Variants in RNF220 observed in about 807,000 individuals in gnomAD.
RNF220 encodes E3 ubiquitin-protein ligase RNF220.
In RNF220, 7 loss-of-function variants were observed where a neutral mutation model predicts 67.1. The observed-to-expected ratio is 0.10, with a 90% CI of 0.06 to 0.20. The LOEUF is 0.20. Among genes scored for constraint, RNF220 ranks in the 10% least tolerant of loss-of-function variants. The probability of loss-of-function intolerance (pLI) is 1.00; values close to 1 mark genes in which losing one functional copy is unlikely to be tolerated. For synonymous variants in RNF220, 270 were observed against 283.2 expected (o/e 0.95, Z 0.47); for missense variants, 565 against 740.3 (o/e 0.76, Z 2.75).
At chr1:44,471,684 G>A (rs1165191254) in intron 2 of RNF220, among the ~76,000 whole-genome samples, 3 of 152,164 alleles carry the variant, frequency 2.0e-5, no homozygotes, top group East Asian at 1.9e-4. Context: ...AATTGGCTGG[G>A]CGTGGTGGCA....
chr1:44,650,466 G>C lies in RNF220; in HGVS notation c.1630-238G>C. 1.7e-6 allele frequency: 1 copy of C among 577,056 alleles called. No individual in the cohort carries two copies. The highest frequency in any genetic ancestry group is 2.0e-5 in the South Asian group (1 of 50,340). 35.7% of individuals were successfully genotyped at this position (577,056 alleles called of 1,614,324 possible). A position where few individuals can be genotyped will look rare whatever the true frequency, so the allele number is the denominator to read the frequency against. ...GGCTGCCACAGCTGGACCCAGCCTT[G>C]TTCTCATTACTGGGGCTCCTGCTGC... On this transcript the variant is annotated intron_variant, in intron 14 of 14. Coordinates refer to ENST00000361799, the MANE Select transcript of RNF220 (RefSeq NM_018150.4). This position sits in a 1 kb window ranked among gnomAD's most constrained non-coding sequence, Gnocchi z 4.3.
intron 1 of RNF220, 85 bp from the exon 2 acceptor site, chr1:44,411,896 G>A (rs1474114728): frequency 1.7e-6 from 1 of 577,268 alleles, no homozygotes; most frequent in Non-Finnish European, 3.0e-6. Context: ...CCAGAAGGAT[G>A]GTGTTTCGAT....
chr1:44,627,331 C>T (rs1385593286), intron 5 of RNF220, among the ~76,000 whole-genome samples: 1 of 104,538 alleles, frequency 9.6e-6, no homozygotes, highest in African/African-American at 3.9e-5. Flanking sequence ...GGTGACAGAG[C>T]AAGACTCCGT....
intron 2 of RNF220, among the ~76,000 whole-genome samples, chr1:44,572,825 A>G (rs1462014122): frequency 2.0e-5 from 3 of 152,092 alleles, no homozygotes; most frequent in African/African-American, 7.2e-5. Context: ...ATTGTCTAAG[A>G]GAAATGTTTG....
chr1:44,438,727 A>G (rs565695754), intron 2 of RNF220, among the ~76,000 whole-genome samples: 33 of 152,232 alleles, frequency 2.2e-4, no homozygotes, highest in Non-Finnish European at 3.8e-4. Context: ...GCTATCTGCC[A>G]TGATTTTTAG....
intron 2 of RNF220, among the ~76,000 whole-genome samples, chr1:44,603,693 C>T (rs1667085745): frequency 6.6e-6 from 1 of 152,254 alleles, no homozygotes; most frequent in Non-Finnish European, 1.5e-5. Flanking sequence ...CTCACTCTCC[C>T]CACCCAGCCC....
rs1644785565 is a variant in RNF220 at position 44,651,492 on chromosome 1, G to A, written c.*717G>A. 6.5e-6 allele frequency: 1 copy of A among 153,002 alleles called. No individual in the cohort carries two copies. The highest frequency in any genetic ancestry group is 2.4e-5 in the African/African-American group (1 of 41,438). 9.5% of individuals were successfully genotyped at this position (153,002 alleles called of 1,614,324 possible). On this transcript the variant is annotated 3_prime_UTR_variant, in exon 15 of 15. Coordinates refer to ENST00000361799, the MANE Select transcript of RNF220 (RefSeq NM_018150.4). The stretch of plus-strand genomic sequence containing the variant: ...GGTAGAGGCAGGAAATGGGAACCGA[G>A]CTGAAGCAGAGGCTGAGTTAGGGGG...
At chr1:44,503,187 A>C (rs1658085015) in intron 2 of RNF220, among the ~76,000 whole-genome samples, 1 of 152,082 alleles carries the variant, frequency 6.6e-6, no homozygotes, top group African/African-American at 2.4e-5. Context: ...TACAAAAATT[A>C]GCTGGGTATG....
rs556718031 is a variant in RNF220 at position 44,647,732 on chromosome 1, C to T, written c.1446-1929C>T. On this transcript the variant is annotated intron_variant, in intron 12 of 14. Coordinates refer to ENST00000361799, the MANE Select transcript of RNF220 (RefSeq NM_018150.4). ...CCCTCCCTGCACTCCCATTACCACT[C>T]ACATCCAGCAATGACAGGCCACCTG... 3.3e-5 allele frequency among the ~76,000 whole-genome samples: 5 copies of T among 152,318 alleles called. No homozygotes were observed. The South Asian group carries it at 8.3e-4, about 25-fold the overall frequency.
intron 2 of RNF220, among the ~76,000 whole-genome samples, chr1:44,613,788 A>G (rs971651666): frequency 6.6e-6 from 1 of 152,158 alleles, no homozygotes; most frequent in Non-Finnish European, 1.5e-5. Context: ...GAGGCAGGAG[A>G]ACCACTTGAA....
intron 2 of RNF220, among the ~76,000 whole-genome samples, chr1:44,480,744 G>A (rs953934824): frequency 2.0e-5 from 3 of 151,948 alleles, no homozygotes; most frequent in Non-Finnish European, 4.4e-5. Flanking sequence ...AAATTAGCTG[G>A]GCATGGTGGG....
rs952625320 is a variant in RNF220, at chr1:44,614,076, A to G, written c.626-89A>G. ...AGGCCAAGAAGCCCTAGAGGGCAGCAGCAGGCTTGGGTTTCAGGACTGGGA... is the reference window on the plus strand; with the variant it reads ...AGGCCAAGAAGCCCTAGAGGGCAGCGGCAGGCTTGGGTTTCAGGACTGGGA... On this transcript the variant is annotated intron_variant, in intron 2 of 14. Transcript: ENST00000361799. 4.5e-5 allele frequency: 71 copies of G among 1,562,722 alleles called. 1 individual carries two copies. The highest frequency in any genetic ancestry group is 1.0e-4 in the Admixed American group (6 of 57,706).
chr1:44,524,135 G>A (rs114091196), intron 2 of RNF220, among the ~76,000 whole-genome samples: 2,529 of 152,146 alleles, frequency 0.017, 31 homozygotes, highest in South Asian at 0.039. Flanking sequence ...AAAGGGAGGG[G>A]AGGGCTTGCA....
intron 2 of RNF220, among the ~76,000 whole-genome samples, chr1:44,570,469 G>A (rs919910544): frequency 2.0e-5 from 3 of 152,188 alleles, no homozygotes; most frequent in African/African-American, 7.2e-5. Flanking sequence ...CATGTGTTAA[G>A]GACTTATGTT....
chr1:44,639,314 T>C (rs188998063), intron 8 of RNF220, among the ~76,000 whole-genome samples: 1 of 152,228 alleles, frequency 6.6e-6, no homozygotes, highest in Non-Finnish European at 1.5e-5. Context: ...CCATGGTCCC[T>C]CCTGTGTGTT....
chr1:44,622,671 C>G lies in RNF220; in HGVS notation c.759-71C>G, dbSNP rs1166220408. The G allele has an allele frequency of 4.3e-6, 6 of 1,410,238 alleles. No homozygotes were observed. Among genetic ancestry groups the G allele is most frequent in the Non-Finnish European group, 6.0e-6 (6 of 995,948 alleles). The allele number at this position is 1,410,238 out of a possible 1,614,324, so 87.4% of individuals were successfully genotyped here. A position where few individuals can be genotyped will look rare whatever the true frequency, so the allele number is the denominator to read the frequency against. On this transcript the variant is annotated intron_variant, in intron 3 of 14. Transcript: ENST00000361799. This position sits in a 1 kb window ranked among gnomAD's most constrained non-coding sequence, Gnocchi z 4.3. ...ATGCCTTCTCTGTCTTTGGGGTCTT[C>G]TTGCTACTCTACCGTTGCATGCCCT...
intron 5 of RNF220, among the ~76,000 whole-genome samples, chr1:44,627,638 T>A (rs528077056): frequency 6.6e-6 from 1 of 152,202 alleles, no homozygotes; most frequent in South Asian, 2.1e-4. Flanking sequence ...CCAGAGCCGT[T>A]AGATGAAAGA....
intron 5 of RNF220, among the ~76,000 whole-genome samples, chr1:44,627,209 G>A (rs374431963): frequency 6.6e-6 from 1 of 151,364 alleles, no homozygotes; most frequent in Non-Finnish European, 1.5e-5. Context: ...GCCAGGCATG[G>A]TGGCGGGCGC....
At chr1:44,464,485 G>A (rs1320488567) in intron 2 of RNF220, among the ~76,000 whole-genome samples, 4 of 152,290 alleles carry the variant, frequency 2.6e-5, no homozygotes, top group Admixed American at 1.3e-4. Context: ...AAAGGAAGTC[G>A]ATGGCCAAGC....
Sources: gnomAD v4.1 joint callset for allele counts (sites outside exome capture counted in the v4.1 genomes callset) on GRCh38, gnomAD v4.1.1 for gene constraint, Gnocchi (gnomAD v3.1) non-coding constraint, MANE v1.5 for transcripts, NCBI Gene and HGNC (gene_info 2026-07-23, HGNC 2026-07-21) for gene names.